SCAPER: variants seen among roughly 807,000 people sequenced by gnomAD.
The protein encoded by SCAPER is S-phase cyclin A associated protein in the ER.
Under a neutral mutation model 182.2 loss-of-function variants are expected in SCAPER, and 98 were observed. The observed-to-expected ratio is 0.54, with a 90% CI of 0.46 to 0.64. SCAPER has a LOEUF of 0.64. Ranked by LOEUF, SCAPER falls within the 30% of genes least tolerant of loss-of-function variation. SCAPER has a pLI of 0.00. For synonymous variants in SCAPER, 605 were observed against 564.6 expected (o/e 1.07, Z -1.01); for missense variants, 1,432 against 1,690.0 (o/e 0.85, Z 2.68).
chr15:76,884,260 C>T (rs1272843113), intron 1 of SCAPER, among the ~76,000 whole-genome samples: 1 of 152,146 alleles, frequency 6.6e-6, no homozygotes, highest in East Asian at 1.9e-4. Flanking sequence ...CTTCTGTATT[C>T]TATTTCAGTT....
chr15:76,665,446 C>T (rs2056501035), intron 21 of SCAPER, among the ~76,000 whole-genome samples: 1 of 152,170 alleles, frequency 6.6e-6, no homozygotes. Flanking sequence ...ATAAGAAGAG[C>T]TCTTAACAGG....
intron 25 of SCAPER, among the ~76,000 whole-genome samples, chr15:76,459,906 A>T (rs1429095257): frequency 2.0e-5 from 3 of 152,150 alleles, no homozygotes; most frequent in Non-Finnish European, 4.4e-5. Context: ...CAGTTTTCCC[A>T]GCACCACTTA....
At chr15:76,767,184 T>A (rs756845115) in intron 10 of SCAPER, 96 bp from the exon 11 acceptor site, 9 of 1,106,038 alleles carry the variant, frequency 8.1e-6, no homozygotes, top group Non-Finnish European at 1.2e-5. Flanking sequence ...ACAGTATACA[T>A]AAAATTGTAT....
intron 23 of SCAPER, among the ~76,000 whole-genome samples, chr15:76,538,448 C>T (rs2044398969): frequency 6.6e-6 from 1 of 151,672 alleles, no homozygotes; most frequent in African/African-American, 2.4e-5. Context: ...TCATCATTCT[C>T]AGTAAACTAT....
At chr15:76,503,954 T>C (rs1275052183) in intron 24 of SCAPER, among the ~76,000 whole-genome samples, 4 of 152,056 alleles carry the variant, frequency 2.6e-5, no homozygotes, top group Non-Finnish European at 2.9e-5. Context: ...GATGCAATCA[T>C]GGTTCACAGC....
chr15:76,764,340 C>G (rs2062985415), intron 14 of SCAPER, among the ~76,000 whole-genome samples: 1 of 152,352 alleles, frequency 6.6e-6, no homozygotes, highest in East Asian at 1.9e-4. Flanking sequence ...AGCAGCACCT[C>G]TGTGTTAAGA....
chr15:76,816,042 G>T (rs957229798), intron 5 of SCAPER, among the ~76,000 whole-genome samples: 1 of 152,174 alleles, frequency 6.6e-6, no homozygotes, highest in African/African-American at 2.4e-5. Context: ...GGAGTTTACA[G>T]GACTGAAAGT....
At chr15:76,541,231 A>T (rs1054794477) in intron 23 of SCAPER, among the ~76,000 whole-genome samples, 1 of 151,954 alleles carries the variant, frequency 6.6e-6, no homozygotes, top group Non-Finnish European at 1.5e-5. Context: ...TAAAAAATAT[A>T]TATCTAAATA....
At chr15:76,691,066 C>T (rs565030129) in intron 20 of SCAPER, among the ~76,000 whole-genome samples, 3 of 151,944 alleles carry the variant, frequency 2.0e-5, no homozygotes, top group South Asian at 2.1e-4. Context: ...AACAAAAGCA[C>T]GTATTAAAAA....
intron 26 of SCAPER, among the ~76,000 whole-genome samples, chr15:76,420,652 T>C (rs1596525704): frequency 6.6e-6 from 1 of 152,180 alleles, no homozygotes; most frequent in Non-Finnish European, 1.5e-5. Context: ...TTAAGTTCTA[T>C]GGTACATGTG....
chr15:76,765,955 T>C (rs2063086153), intron 11 of SCAPER, among the ~76,000 whole-genome samples: 1 of 152,204 alleles, frequency 6.6e-6, no homozygotes, highest in South Asian at 2.1e-4. Flanking sequence ...TTGAAGATTG[T>C]TTGGCATTAA....
At chr15:76,369,114 G>T (rs1280411003) in intron 29 of SCAPER, among the ~76,000 whole-genome samples, 1 of 152,166 alleles carries the variant, frequency 6.6e-6, no homozygotes, top group Non-Finnish European at 1.5e-5. Flanking sequence ...GTATCAAGGG[G>T]CTCAGTCTTT....
intron 26 of SCAPER, among the ~76,000 whole-genome samples, chr15:76,406,162 C>T (rs1473091400): frequency 6.6e-6 from 1 of 151,984 alleles, no homozygotes; most frequent in Non-Finnish European, 1.5e-5. Flanking sequence ...TACATTTGCA[C>T]AGAACTCTTC....
rs2042566716 is a variant in SCAPER, at chr15:76,517,969, A to T, written c.2839-12995T>A. Among the ~76,000 whole-genome samples the T allele has an allele frequency of 2.0e-5, 3 of 152,212 alleles. No individual in the cohort carries two copies. The South Asian group carries it at 6.2e-4, about 31-fold the overall frequency. On this transcript the variant is annotated intron_variant, in intron 23 of 31. Transcript: ENST00000563290. ...TAAAGGAATGTTAAGTTTGACTATC[A>T]CAAGTAAATAAAAAGGAAATGAAAG...
At chr15:76,695,665 T>C (rs181799604) in intron 20 of SCAPER, among the ~76,000 whole-genome samples, 9 of 151,586 alleles carry the variant, frequency 5.9e-5, no homozygotes, top group Non-Finnish European at 1.2e-4. Context: ...ATAAGTGGAA[T>C]CTAAAAATTT....
At chr15:76,441,905 C>T (rs2047636344) in intron 25 of SCAPER, among the ~76,000 whole-genome samples, 1 of 152,134 alleles carries the variant, frequency 6.6e-6, no homozygotes, top group African/African-American at 2.4e-5. Context: ...CAACATCAGA[C>T]ATGTAGTAGA....
At chr15:76,561,634 A>G (rs890794031) in intron 23 of SCAPER, among the ~76,000 whole-genome samples, 3 of 152,138 alleles carry the variant, frequency 2.0e-5, no homozygotes, top group African/African-American at 7.2e-5. Context: ...TACAGTTATT[A>G]AAACTGGTCT....
At chr15:76,457,983 T>A (rs1238287437) in intron 25 of SCAPER, among the ~76,000 whole-genome samples, 4 of 152,104 alleles carry the variant, frequency 2.6e-5, no homozygotes, top group Admixed American at 2.6e-4. Context: ...GAGGTGTATA[T>A]ATATTTAATA....
intron 26 of SCAPER, among the ~76,000 whole-genome samples, chr15:76,426,293 C>G (rs867794960): frequency 1.3e-5 from 2 of 152,218 alleles, no homozygotes; most frequent in Non-Finnish European, 2.9e-5. Flanking sequence ...TTTACCTACT[C>G]AAGCCTCAGC....
Sources: gnomAD v4.1 joint callset for allele counts (sites outside exome capture counted in the v4.1 genomes callset) on GRCh38, gnomAD v4.1.1 for gene constraint, MANE v1.5 for transcripts, NCBI Gene and HGNC (gene_info 2026-07-23, HGNC 2026-07-21) for gene names.